TEX11: variants seen among roughly 807,000 people sequenced by gnomAD.
TEX11 encodes testis expressed 11.
A neutral mutation model predicts 84.4 loss-of-function variants in TEX11; 7 were observed. The ratio of observed to expected loss-of-function variants is 0.08; its 90% CI spans 0.05 to 0.16. The LOEUF (loss-of-function observed/expected upper bound fraction) is 0.16, where lower values mean the gene tolerates loss of function less well. Ranked by LOEUF, TEX11 falls within the 10% of genes least tolerant of loss-of-function variation. TEX11 has a pLI of 1.00. For missense variants in TEX11, 551 were observed against 660.5 expected, an observed-to-expected ratio of 0.83 and a Z score of 1.82; for synonymous variants, 264 against 222.8, an observed-to-expected ratio of 1.18 and a Z score of -1.64.
At chrX:70,701,628 A>G (rs2090326838) in intron 13 of TEX11, among the ~76,000 whole-genome samples, 1 of 112,330 alleles carries the variant, frequency 8.9e-6, no homozygotes, top group Non-Finnish European at 1.9e-5. Context: ...GTTATTTAAG[A>G]AATACATTTT....
At chrX:70,713,460 A>G (rs2090461117) in intron 13 of TEX11, among the ~76,000 whole-genome samples, 1 of 111,848 alleles carries the variant, frequency 8.9e-6, no homozygotes, top group African/African-American at 3.2e-5. Flanking sequence ...TTATTGCCTC[A>G]ATGGCAGAGC....
At chrX:70,650,314 A>G (rs1253583174) in intron 17 of TEX11, among the ~76,000 whole-genome samples, 1 of 111,766 alleles carries the variant, frequency 8.9e-6, no homozygotes, top group East Asian at 2.8e-4. Context: ...ACGTGACTTA[A>G]AAAATGGTCA....
chrX:70,637,397 G>A (rs1175746788), intron 17 of TEX11, among the ~76,000 whole-genome samples: 4 of 112,382 alleles, frequency 3.6e-5, no homozygotes, highest in Non-Finnish European at 7.5e-5. Flanking sequence ...TATATGACCT[G>A]GCAATCCCAT....
intron 7 of TEX11, among the ~76,000 whole-genome samples, chrX:70,851,252 A>G (rs902125657): frequency 4.4e-5 from 5 of 112,366 alleles, no homozygotes; most frequent in Non-Finnish European, 7.5e-5. Context: ...AGATATACAG[A>G]TAAATGGAAT....
Position 70,618,258 on chromosome X carries a change from C to T in TEX11, c.1751+5692G>A, listed in dbSNP as rs188099574. ...TGGTGTATGACTCTATGGAAAATCA[C>T]TATGGAAATCTGAGAGGTGCATTAA... On this transcript the variant is annotated intron_variant, in intron 20 of 29. Transcript: ENST00000374333. 4.5e-5 allele frequency among the ~76,000 whole-genome samples: 5 copies of T among 111,182 alleles called. No homozygotes were observed. In the East Asian group the frequency reaches 1.4e-3, roughly 32 times the overall value.
At chrX:70,614,778 TC>T (rs2089299533) in intron 20 of TEX11, among the ~76,000 whole-genome samples, 1 of 111,167 alleles carries the variant, frequency 9.0e-6, no homozygotes. Flanking sequence ...GGTGCTTGTA[TC>T]AACATACCCC....
At chrX:70,548,188 T>C (rs1403644461) in intron 28 of TEX11, among the ~76,000 whole-genome samples, 1 of 108,223 alleles carries the variant, frequency 9.2e-6, no homozygotes, top group African/African-American at 3.4e-5. Flanking sequence ...AAACACCACA[T>C]GTTCTCACTC....
the TEX11 span, among the ~76,000 whole-genome samples, chrX:70,511,700 C>T: frequency 4.3e-5 from 4 of 93,158 alleles, no homozygotes; most frequent in East Asian, 1.3e-3. Context: ...TTGCAGTGAG[C>T]CGAGACCGCA....
chrX:70,605,652 T>C (rs1466139033), intron 23 of TEX11, 135 bp from the exon 24 acceptor site: 4 of 436,899 alleles, frequency 9.2e-6, no homozygotes, highest in Non-Finnish European at 1.6e-5. Context: ...ACCATAGAAA[T>C]GATATAAACT....
intron 8 of TEX11, among the ~76,000 whole-genome samples, chrX:70,829,930 A>G (rs2091368079): frequency 9.0e-6 from 1 of 111,697 alleles, no homozygotes; most frequent in East Asian, 2.8e-4. Context: ...CAGGAAAGAA[A>G]GAAATATAAT....
chrX:70,735,285 C>T (rs2090687343), intron 11 of TEX11, among the ~76,000 whole-genome samples: 1 of 111,445 alleles, frequency 9.0e-6, no homozygotes, highest in Admixed American at 9.6e-5. Context: ...CTCCTGACCT[C>T]AAGTGATCCA....
chrX:70,743,641 C>T (rs2090747949), intron 10 of TEX11, among the ~76,000 whole-genome samples: 1 of 111,029 alleles, frequency 9.0e-6, no homozygotes, highest in Non-Finnish European at 1.9e-5. Flanking sequence ...TTTGAGAGGC[C>T]AAGGTGGGCA....
intron 9 of TEX11, among the ~76,000 whole-genome samples, chrX:70,797,834 T>A (rs754189737): frequency 1.2e-4 from 12 of 99,230 alleles, no homozygotes; most frequent in Admixed American, 8.1e-4. Flanking sequence ...TTTCAAAAAA[T>A]TAGGAATAGA....
chrX:70,701,986 A>C (rs1318171258), intron 13 of TEX11, among the ~76,000 whole-genome samples: 1 of 112,122 alleles, frequency 8.9e-6, no homozygotes, highest in East Asian at 2.8e-4. Flanking sequence ...TGAATAAAGA[A>C]AGTGGTTTCT....
chrX:70,709,655 A>G (rs779927529), intron 13 of TEX11, among the ~76,000 whole-genome samples: 1 of 111,285 alleles, frequency 9.0e-6, no homozygotes. Context: ...CTTTTCAGGA[A>G]CTCATTTAAT....
chrX:70,531,941 T>C lies in TEX11; in HGVS notation c.2521-1942A>G, dbSNP rs1183589145. 2.7e-5 allele frequency among the ~76,000 whole-genome samples: 3 copies of C among 111,808 alleles called. No individual in the cohort carries two copies. The East Asian group carries it at 8.4e-4, about 31-fold the overall frequency. On this transcript the variant is annotated intron_variant, in intron 28 of 29. Coordinates refer to ENST00000374333, the MANE Select transcript of TEX11 (RefSeq NM_031276.3). Reference sequence around the variant, plus strand: ...TGTCTTAGGAAGACCAAGAGTTCTTTGGCCTAAGCAGACGATTTATGTAGA... The same window carrying C: ...TGTCTTAGGAAGACCAAGAGTTCTTCGGCCTAAGCAGACGATTTATGTAGA...
At chrX:70,891,080 G>T (rs1182934907) in intron 2 of TEX11, among the ~76,000 whole-genome samples, 3 of 112,243 alleles carry the variant, frequency 2.7e-5, no homozygotes, top group Non-Finnish European at 5.6e-5. Flanking sequence ...CTGATACCCA[G>T]GCAAACAGGG....
chrX:70,840,829 C>A (rs766033184), intron 7 of TEX11, among the ~76,000 whole-genome samples: 1 of 111,317 alleles, frequency 9.0e-6, no homozygotes, highest in Non-Finnish European at 1.9e-5. Flanking sequence ...GGGTTGCAAT[C>A]CTAGTCTCTG....
chrX:70,624,293 G>A (rs1265282987), intron 19 of TEX11, among the ~76,000 whole-genome samples: 1 of 111,525 alleles, frequency 9.0e-6, no homozygotes, highest in Non-Finnish European at 1.9e-5. Context: ...TTATACCATT[G>A]CTCAAAAACA....
Sources: gnomAD v4.1 joint callset for allele counts (sites outside exome capture counted in the v4.1 genomes callset) on GRCh38, gnomAD v4.1.1 for gene constraint, MANE v1.5 for transcripts, NCBI Gene and HGNC (gene_info 2026-07-23, HGNC 2026-07-21) for gene names.